TPRG1: variants seen among roughly 807,000 people sequenced by gnomAD.
TPRG1 encodes tumor protein p63 regulated 1.
Under a neutral mutation model 29.3 loss-of-function variants are expected in TPRG1, and 29 were observed. The observed-to-expected ratio is 0.99, with a 90% CI of 0.74 to 1.35. TPRG1 has a LOEUF of 1.35. Ranked by LOEUF, TPRG1 falls within the 40% of genes most tolerant of loss-of-function variation. The pLI is 0.00. For missense variants in TPRG1, 327 were observed against 335.0 expected (o/e 0.98, Z 0.19); for synonymous variants, 130 against 116.8 (o/e 1.11, Z -0.73).
upstream of TPRG1, among the ~76,000 whole-genome samples, chr3:189,169,657 A>C (rs1728577204): frequency 6.6e-6 from 1 of 152,192 alleles, no homozygotes; most frequent in African/African-American, 2.4e-5. Flanking sequence ...ATATATAGCC[A>C]TATGTTCTGT....
chr3:189,290,965 C>A (rs536981337), intron 4 of TPRG1, among the ~76,000 whole-genome samples: 1 of 151,890 alleles, frequency 6.6e-6, no homozygotes, highest in Non-Finnish European at 1.5e-5. Context: ...TGCAGTGGCC[C>A]GATCTCCACT....
At chr3:189,058,086 A>G (rs906011365) in intron 4 of TPRG1, among the ~76,000 whole-genome samples, 44 of 151,970 alleles carry the variant, frequency 2.9e-4, no homozygotes, top group African/African-American at 1.4e-4. Flanking sequence ...ATTGAAGCCA[A>G]TTTGGGCTGG....
At chr3:189,204,543 C>T (rs1278626646) in intron 1 of TPRG1, among the ~76,000 whole-genome samples, 1 of 152,164 alleles carries the variant, frequency 6.6e-6, no homozygotes, top group Non-Finnish European at 1.5e-5. Flanking sequence ...AGAATTTAAA[C>T]GGAGCTGAGA....
At chr3:189,085,687 G>T (rs1560435235) in intron 4 of TPRG1, among the ~76,000 whole-genome samples, 1 of 152,142 alleles carries the variant, frequency 6.6e-6, no homozygotes, top group Non-Finnish European at 1.5e-5. Context: ...CCAGTTGAAG[G>T]ATGACATCAG....
At chr3:189,022,948 C>T (rs969976784) in intron 3 of TPRG1, among the ~76,000 whole-genome samples, 7 of 152,218 alleles carry the variant, frequency 4.6e-5, no homozygotes, top group African/African-American at 1.4e-4. Flanking sequence ...TTTTTAAGCC[C>T]GTCGGAAAAG....
At chr3:189,200,380 C>T (rs1362601576) in intron 1 of TPRG1, among the ~76,000 whole-genome samples, 1 of 152,240 alleles carries the variant, frequency 6.6e-6, no homozygotes, top group African/African-American at 2.4e-5. Context: ...CGGCTGTTCT[C>T]ACGGAGAGAC....
intron 4 of TPRG1, among the ~76,000 whole-genome samples, chr3:189,066,091 A>G (rs571468724): frequency 1.3e-5 from 2 of 152,276 alleles, no homozygotes; most frequent in South Asian, 4.1e-4. Context: ...AAATTCTTAG[A>G]CACATACAGC....
At chr3:189,089,362 A>C (rs1419916139) in intron 4 of TPRG1, among the ~76,000 whole-genome samples, 1 of 152,202 alleles carries the variant, frequency 6.6e-6, no homozygotes, top group African/African-American at 2.4e-5. Flanking sequence ...TAAAACTAAG[A>C]CATATTATCC....
rs139285130 is a variant in TPRG1, at chr3:189,188,677, C to T, written c.-10+16546C>T. 2.7e-4 allele frequency among the ~76,000 whole-genome samples: 41 copies of T among 152,260 alleles called. 1 individual carries two copies. In the East Asian group the frequency reaches 2.9e-3, roughly 11 times the overall value. On this transcript the variant is annotated intron_variant, in intron 1 of 5. Transcript: ENST00000345063. Reference sequence around the variant, plus strand: ...CTTATCTCTAAGCAAACATTCCTCCCTCCCTCTTCCCTCATATAATTTACA... The same window carrying T: ...CTTATCTCTAAGCAAACATTCCTCCTTCCCTCTTCCCTCATATAATTTACA...
intron 4 of TPRG1, among the ~76,000 whole-genome samples, chr3:189,068,636 C>T (rs946636654): frequency 5.1e-4 from 78 of 152,108 alleles, no homozygotes; most frequent in Non-Finnish European, 5.7e-4. Flanking sequence ...ATTAGCCAGG[C>T]GTGGTGGCGG....
chr3:189,153,842 CT>C (rs1578565027), intron 5 of TPRG1, among the ~76,000 whole-genome samples: 1 of 152,126 alleles, frequency 6.6e-6, no homozygotes, highest in Non-Finnish European at 1.5e-5. Context: ...CATATCTGGA[CT>C]ATGGCAGAAG....
chr3:189,314,317 T>C (rs139209498), intron 5 of TPRG1, among the ~76,000 whole-genome samples: 7 of 152,246 alleles, frequency 4.6e-5, no homozygotes, highest in Non-Finnish European at 7.4e-5. Flanking sequence ...TTACACAACA[T>C]TGGGCCAAAG....
At chr3:189,121,421 C>A (rs372685131) in intron 1 of TPRG1, 2 of 152,134 alleles carry the variant, frequency 1.3e-5, no homozygotes, top group East Asian at 3.8e-4. Context: ...ATTCTGTACC[C>A]CTCCTTCTCT....
chr3:189,138,502 C>T (rs1724072517), intron 3 of TPRG1, among the ~76,000 whole-genome samples: 1 of 152,146 alleles, frequency 6.6e-6, no homozygotes. Flanking sequence ...TTCAGAGACC[C>T]AGGTTCCTTC....
At chr3:189,184,533 T>C (rs1018683033) in intron 1 of TPRG1, among the ~76,000 whole-genome samples, 1 of 149,100 alleles carries the variant, frequency 6.7e-6, no homozygotes, top group Non-Finnish European at 1.5e-5. Context: ...TAAGGGAAGA[T>C]TTCTTTTTCC....
intron 1 of TPRG1, among the ~76,000 whole-genome samples, chr3:189,189,385 A>T (rs9860124): frequency 0.36 from 53,988 of 151,610 alleles, 9,732 homozygotes; most frequent in South Asian, 0.52. Context: ...ATAGTTGTCA[A>T]TTGGTTATAT....
intron 1 of TPRG1, among the ~76,000 whole-genome samples, chr3:189,200,097 G>C (rs1733222188): frequency 6.6e-6 from 1 of 152,124 alleles, no homozygotes; most frequent in African/African-American, 2.4e-5. Context: ...CTTCCCCACG[G>C]CCCTCTTTCC....
chr3:189,016,530 T>G (rs1468848007), intron 3 of TPRG1, among the ~76,000 whole-genome samples: 3 of 152,120 alleles, frequency 2.0e-5, no homozygotes, highest in African/African-American at 7.2e-5. Context: ...GAGAAGGACA[T>G]GAGATTCGGG....
chr3:189,197,789 A>T (rs1732788278), intron 1 of TPRG1, among the ~76,000 whole-genome samples: 1 of 152,222 alleles, frequency 6.6e-6, no homozygotes, highest in Non-Finnish European at 1.5e-5. Flanking sequence ...CAAACACATA[A>T]ACAAGAAAGA....
Sources: gnomAD v4.1 joint callset for allele counts (sites outside exome capture counted in the v4.1 genomes callset) on GRCh38, gnomAD v4.1.1 for gene constraint, MANE v1.5 for transcripts, NCBI Gene and HGNC (gene_info 2026-07-23, HGNC 2026-07-21) for gene names.